The following PTPRT variants were observed in gnomAD, a reference collection of about 807,000 sequenced individuals.
PTPRT encodes receptor-type tyrosine-protein phosphatase T.
In PTPRT, 56 loss-of-function variants were observed where a neutral mutation model predicts 176.8. That is an observed-to-expected ratio of 0.32 (90% CI 0.26 to 0.40). The LOEUF (loss-of-function observed/expected upper bound fraction) is 0.40. PTPRT is among the 10% of genes least tolerant of loss of function. The pLI is 1.00. For synonymous variants in PTPRT, 783 were observed against 739.0 expected, an observed-to-expected ratio of 1.06 and a Z score of -0.96; for missense variants, 1,540 against 1,908.2, an observed-to-expected ratio of 0.81 and a Z score of 3.60.
At chr20:42,117,378 T>C (rs550866408) in intron 21 of PTPRT, among the ~76,000 whole-genome samples, 1 of 152,350 alleles carries the variant, frequency 6.6e-6, no homozygotes, top group South Asian at 2.1e-4. Flanking sequence ...TTTGTACACC[T>C]TGCCTTTAAA....
intron 1 of PTPRT, among the ~76,000 whole-genome samples, chr20:42,942,555 G>A (rs1980622859): frequency 6.6e-6 from 1 of 152,202 alleles, no homozygotes; most frequent in African/African-American, 2.4e-5. Flanking sequence ...TAGACTAAGA[G>A]TGAAAGGAGA....
chr20:42,306,875 A>G (rs6016741), intron 12 of PTPRT, among the ~76,000 whole-genome samples: 112,174 of 152,120 alleles, frequency 0.74, 41,786 homozygotes, highest in African/African-American at 0.84. Flanking sequence ...GGATTCCAGG[A>G]GCCTCTAGGT....
intron 7 of PTPRT, among the ~76,000 whole-genome samples, chr20:42,599,067 GGAGTA>G (rs2073728314): frequency 6.6e-6 from 1 of 152,154 alleles, no homozygotes; most frequent in Non-Finnish European, 1.5e-5. Flanking sequence ...TGGTTTATTA[GGAGTA>G]AGATATTGAG....
intron 7 of PTPRT, among the ~76,000 whole-genome samples, chr20:42,513,854 G>A (rs1242174541): frequency 6.6e-6 from 1 of 152,082 alleles, no homozygotes; most frequent in Non-Finnish European, 1.5e-5. Flanking sequence ...AAAAATGAAC[G>A]TTTAAGCCTT....
chr20:42,199,124 C>T (rs2146675440), intron 16 of PTPRT, 116 bp downstream of exon 16: 1 of 1,243,456 alleles, frequency 8.0e-7, no homozygotes, highest in East Asian at 2.4e-5. Context: ...CCATATCAGG[C>T]AAGCATCCAT....
chr20:42,529,308 G>A (rs1046329535), intron 7 of PTPRT, among the ~76,000 whole-genome samples: 3 of 152,048 alleles, frequency 2.0e-5, no homozygotes, highest in Non-Finnish European at 4.4e-5. Context: ...TGAATAGTAC[G>A]GGGAAGGGCA....
chr20:42,811,738 T>G (rs888592123), intron 2 of PTPRT, among the ~76,000 whole-genome samples: 5 of 152,184 alleles, frequency 3.3e-5, no homozygotes, highest in Non-Finnish European at 5.9e-5. Context: ...CATACCCTGA[T>G]CTATAACTGT....
At chr20:43,174,135 T>C (rs1198754195) in intron 1 of PTPRT, among the ~76,000 whole-genome samples, 1 of 152,176 alleles carries the variant, frequency 6.6e-6, no homozygotes, top group Non-Finnish European at 1.5e-5. Context: ...TCCATAAGTA[T>C]GAATTTTGCA....
intron 7 of PTPRT, among the ~76,000 whole-genome samples, chr20:42,523,874 T>G (rs1394125099): frequency 1.3e-5 from 2 of 152,270 alleles, no homozygotes; most frequent in East Asian, 3.9e-4. Flanking sequence ...CAGTTCTAGC[T>G]ATTCAGGAGG....
Position 42,084,644 on chromosome 20 carries a change from C to T in PTPRT, c.4136+38G>A. 1 of 1,379,968 alleles carries T rather than the reference C, an allele frequency of 7.2e-7. No homozygotes were observed. Among genetic ancestry groups the T allele is most frequent in the Non-Finnish European group, 9.5e-7 (1 of 1,048,094 alleles). 85.5% of individuals were successfully genotyped at this position (1,379,968 alleles called of 1,614,324 possible). A position where few individuals can be genotyped will look rare whatever the true frequency, so the allele number is the denominator to read the frequency against. On this transcript the variant is annotated intron_variant, in intron 29 of 30. Coordinates refer to ENST00000373187, the MANE Select transcript of PTPRT (RefSeq NM_007050.6). ...ATCTGCAAGGATGCTCTATCACCCA[C>T]CACCCTATTGCCCTGGTGACACCTC...
At chr20:42,816,186 C>G (rs1433983106) in intron 2 of PTPRT, among the ~76,000 whole-genome samples, 3 of 152,214 alleles carry the variant, frequency 2.0e-5, no homozygotes, top group Non-Finnish European at 4.4e-5. Context: ...TGAGTAAGAT[C>G]TCTCATGAAA....
At chr20:42,951,011 A>G (rs1981204995) in intron 1 of PTPRT, among the ~76,000 whole-genome samples, 1 of 152,230 alleles carries the variant, frequency 6.6e-6, no homozygotes, top group African/African-American at 2.4e-5. Flanking sequence ...GAGCACTTTT[A>G]TTTCTGACCT....
intron 9 of PTPRT, among the ~76,000 whole-genome samples, chr20:42,414,125 C>T (rs919731041): frequency 1.3e-5 from 2 of 152,158 alleles, no homozygotes; most frequent in African/African-American, 2.4e-5. Context: ...AGCCACTGTG[C>T]CCGGCCAAGA....
At chr20:42,880,105 G>C (rs2078992271) in intron 2 of PTPRT, among the ~76,000 whole-genome samples, 1 of 152,118 alleles carries the variant, frequency 6.6e-6, no homozygotes, top group Non-Finnish European at 1.5e-5. Context: ...CCTGAGGAGG[G>C]GCAGGCCCGG....
intron 1 of PTPRT, among the ~76,000 whole-genome samples, chr20:43,150,653 C>T (rs1275356851): frequency 6.6e-6 from 1 of 152,022 alleles, no homozygotes; most frequent in Non-Finnish European, 1.5e-5. Context: ...AATGGGGTTT[C>T]ACCATGTTGG....
chr20:43,139,179 G>A (rs1166877863), intron 1 of PTPRT, among the ~76,000 whole-genome samples: 1 of 152,210 alleles, frequency 6.6e-6, no homozygotes, highest in Non-Finnish European at 1.5e-5. Flanking sequence ...CTCAGCTGGA[G>A]ACTGTGACTT....
chr20:42,043,072 A>G, the PTPRT span, among the ~76,000 whole-genome samples: 1 of 152,258 alleles, frequency 6.6e-6, no homozygotes, highest in Non-Finnish European at 1.5e-5. Flanking sequence ...TTGGGTGGAA[A>G]TGGCCTGTTT....
At chr20:43,058,939 C>T (rs560795539) in intron 1 of PTPRT, among the ~76,000 whole-genome samples, 1 of 152,260 alleles carries the variant, frequency 6.6e-6, no homozygotes, top group South Asian at 2.1e-4. Flanking sequence ...CTCGGGTGAC[C>T]AATGAGTATA....
chr20:42,491,232 T>C (rs1198926406), intron 7 of PTPRT, among the ~76,000 whole-genome samples: 3 of 152,170 alleles, frequency 2.0e-5, no homozygotes, highest in Non-Finnish European at 4.4e-5. Context: ...TGTATTCTTA[T>C]CTGATTTTTC....
Sources: allele counts gnomAD v4.1 joint callset (sites outside exome capture counted in the v4.1 genomes callset), GRCh38; gene constraint gnomAD v4.1.1; transcripts MANE v1.5; gene names NCBI Gene and HGNC (gene_info 2026-07-23, HGNC 2026-07-21).